PDX1: variants seen among roughly 807,000 people sequenced by gnomAD.
PDX1 encodes pancreas/duodenum homeobox protein 1.
PDX1 carries 7 observed loss-of-function variants against 11.1 expected under a neutral mutation model. The ratio of observed to expected loss-of-function variants is 0.63; its 90% CI spans 0.36 to 1.19. PDX1 has a LOEUF of 1.19. PDX1 is among the 50% of genes most tolerant of loss of function. The pLI is 0.02. For missense variants in PDX1, 449 were observed against 412.1 expected (o/e 1.09, Z -0.78); for synonymous variants, 232 against 196.2 (o/e 1.18, Z -1.53).
At chr13:27,921,348 T>C (rs1957785413) in intron 1 of PDX1, among the ~76,000 whole-genome samples, 1 of 152,226 alleles carries the variant, frequency 6.6e-6, no homozygotes, top group Non-Finnish European at 1.5e-5. Context: ...GAGGCCTGGT[T>C]CCTGCGGCCC....
rs1175220937 is a variant in PDX1 at position 27,926,177 on chromosome 13, T to C, written c.*1476T>C. On this transcript the variant is annotated 3_prime_UTR_variant, in exon 2 of 2. Transcript: ENST00000381033. ...AGGTCTGGGCCTTGTGCTCGGGTTA[T>C]GTTTGTGGGAAATGCTTAATAAATA... The C allele has an allele frequency of 2.0e-5, 3 of 152,234 alleles. No individual in the cohort carries two copies. Among genetic ancestry groups the C allele is most frequent in the African/African-American group, 4.8e-5 (2 of 41,460 alleles). The allele number at this position is 152,234 out of a possible 1,614,324, so 9.4% of individuals were successfully genotyped here. A position where few individuals can be genotyped will look rare whatever the true frequency, so the allele number is the denominator to read the frequency against.
At chr13:27,922,424 G>A (rs1957794684) in intron 1 of PDX1, among the ~76,000 whole-genome samples, 1 of 152,222 alleles carries the variant, frequency 6.6e-6, no homozygotes, top group Admixed American at 6.5e-5. Context: ...GGGAAACTTC[G>A]ATGGAGCCGA....
rs773176417 is a variant in PDX1, at chr13:27,920,476, A to G, written c.338A>G (p.Asn113Ser). ...GAEPGVLEEP[N>S]RVQLPFPWMK... ...GAGCCGGGCGTCCTGGAGGAGCCCAACCGCGTCCAGCTGCCTTTCCCATGG... is the reference window on the plus strand; with the variant it reads ...GAGCCGGGCGTCCTGGAGGAGCCCAGCCGCGTCCAGCTGCCTTTCCCATGG... Residue 113 changes from asparagine (N) to serine (S), a missense_variant, in exon 1 of 2, where the codon AAC becomes AGC. Asn to Ser is a conservative substitution (Grantham distance 46, BLOSUM62 1). This residue lies in a region of PDX1 where 263 missense variants were observed against 212.5 expected (regional missense o/e 1.24). Coordinates refer to ENST00000381033, the MANE Select transcript of PDX1 (RefSeq NM_000209.4). The G allele has an allele frequency of 1.6e-5, 25 of 1,609,904 alleles. No homozygotes were observed. The African/African-American group carries it at 2.3e-4, about 15-fold the overall frequency.
chr13:27,924,860 G>A lies in PDX1; in HGVS notation c.*159G>A, dbSNP rs1957814213. 4 of 590,194 alleles carry A rather than the reference G, an allele frequency of 6.8e-6. No individual in the cohort carries two copies. In the South Asian group the frequency reaches 2.3e-4, roughly 34 times the overall value. 36.6% of individuals were successfully genotyped at this position (590,194 alleles called of 1,614,324 possible). A position where few individuals can be genotyped will look rare whatever the true frequency, so the allele number is the denominator to read the frequency against. Reference sequence around the variant, plus strand: ...CCGAAGGGGAAAACCCGCTCTCTCAGGCGCATGTGCCAGTTGGGGCCCCGC... The same window carrying A: ...CCGAAGGGGAAAACCCGCTCTCTCAAGCGCATGTGCCAGTTGGGGCCCCGC... On this transcript the variant is annotated 3_prime_UTR_variant, in exon 2 of 2. Coordinates refer to ENST00000381033, the MANE Select transcript of PDX1 (RefSeq NM_000209.4). This position sits in a 1 kb window ranked among gnomAD's most constrained non-coding sequence, Gnocchi z 4.8.
Position 27,924,186 on chromosome 13 carries a change from G to C in PDX1, c.407-70G>C, listed in dbSNP as rs9805632. The C allele has an allele frequency of 0.23, 314,064 of 1,365,270 alleles. 38,475 individuals are homozygous for C. The highest frequency in any genetic ancestry group is 0.28 in the Middle Eastern group (1,068 of 3,866). 84.6% of individuals were successfully genotyped at this position (1,365,270 alleles called of 1,614,324 possible). ...TAGGGCTCCCTGGCCCCCCTTGAAG[G>C]GGTTGGGCTGCGTGGGTGGGGGCTG... On this transcript the variant is annotated intron_variant, in intron 1 of 1. Coordinates refer to ENST00000381033, the MANE Select transcript of PDX1 (RefSeq NM_000209.4). This position sits in a 1 kb window ranked among gnomAD's most constrained non-coding sequence, Gnocchi z 4.8.
rs573752557 is a variant in PDX1, at chr13:27,920,487, C to G, written c.349C>G (p.Leu117Val). The G allele has an allele frequency of 6.8e-6, 11 of 1,611,844 alleles. No individual in the cohort carries two copies. Among genetic ancestry groups the G allele is most frequent in the Admixed American group, 6.7e-5 (4 of 59,918 alleles). ...CCTGGAGGAGCCCAACCGCGTCCAGCTGCCTTTCCCATGGATGAAGTCTAC... is the reference window on the plus strand; with the variant it reads ...CCTGGAGGAGCCCAACCGCGTCCAGGTGCCTTTCCCATGGATGAAGTCTAC... ...GVLEEPNRVQ[L>V]PFPWMKSTKA... is the part of the protein sequence containing the mutation. Residue 117 changes from leucine to valine, a missense_variant, in exon 1 of 2, where the codon CTG (leucine) becomes GTG (valine). This residue lies in a region of PDX1 where 263 missense variants were observed against 212.5 expected (regional missense o/e 1.24). Transcript: ENST00000381033.
Position 27,920,388 on chromosome 13 carries a change from C to T in PDX1, c.250C>T (p.His84Tyr). 6.5e-7 allele frequency: 1 copy of T among 1,549,692 alleles called. No individual in the cohort carries two copies. The highest frequency in any genetic ancestry group is 1.4e-5 in the African/African-American group (1 of 73,246). ...ADDPAVAHLHHHLPAQLALPH... is the reference protein window; with the variant it reads ...ADDPAVAHLHYHLPAQLALPH... The stretch of plus-strand genomic sequence containing the variant: ...CGACCCCGCGGTGGCGCACCTTCAC[C>T]ACCACCTCCCGGCTCAGCTCGCGCT... Residue 84 changes from histidine (H) to tyrosine (Y), a missense_variant, in exon 1 of 2, where the codon CAC (histidine) becomes TAC (tyrosine). Transcript: ENST00000381033.
chr13:27,925,157 C>G lies in PDX1; in HGVS notation c.*456C>G. On this transcript the variant is annotated 3_prime_UTR_variant, in exon 2 of 2. Transcript: ENST00000381033. ...TGCCATAAAGCCATTCTTACTCGGGCGACCCCTTTAAGTTTAGAAATAATT... is the reference window on the plus strand; with the variant it reads ...TGCCATAAAGCCATTCTTACTCGGGGGACCCCTTTAAGTTTAGAAATAATT... 1 of 214,504 alleles carries G rather than the reference C, an allele frequency of 4.7e-6. No homozygotes were observed. The highest frequency in any genetic ancestry group is 9.3e-6 in the Non-Finnish European group (1 of 107,218). 13.3% of individuals were successfully genotyped at this position (214,504 alleles called of 1,614,324 possible). A position where few individuals can be genotyped will look rare whatever the true frequency, so the allele number is the denominator to read the frequency against.
rs948183052 is a variant in PDX1, at chr13:27,924,404, G to A, written c.555G>A (p.Leu185=). The A allele has an allele frequency of 6.2e-7, 1 of 1,613,078 alleles. No individual in the cohort carries two copies. Among genetic ancestry groups the A allele is most frequent in the African/African-American group, 1.3e-5 (1 of 74,912 alleles). ...TGGAGCTGGCTGTCATGTTGAACTT[G>A]ACCGAGAGACACATCAAGATCTGGT... The part of the protein sequence containing the change: ...RRVELAVMLN[L]TERHIKIWFQ... Residue 185 remains leucine, a synonymous_variant, in exon 2 of 2, where the codon TTG becomes TTA. Transcript: ENST00000381033. The surrounding 1 kb of genome is among the most constrained non-coding windows in gnomAD (Gnocchi z 4.8).
chr13:27,921,629 C>T (rs1384920867), intron 1 of PDX1, among the ~76,000 whole-genome samples: 2 of 152,238 alleles, frequency 1.3e-5, no homozygotes. Context: ...TCCTCAGCGC[C>T]CATCTGCGGG....
Position 27,925,708 on chromosome 13 carries a change from C to G in PDX1, c.*1007C>G, listed in dbSNP as rs1957820812. The G allele has an allele frequency of 6.3e-6, 1 of 158,996 alleles. No homozygotes were observed. The highest frequency in any genetic ancestry group is 1.4e-5 in the Non-Finnish European group (1 of 72,670). The allele number at this position is 158,996 out of a possible 1,614,324, so 9.8% of individuals were successfully genotyped here. A position where few individuals can be genotyped will look rare whatever the true frequency, so the allele number is the denominator to read the frequency against. On this transcript the variant is annotated 3_prime_UTR_variant, in exon 2 of 2. Coordinates refer to ENST00000381033, the MANE Select transcript of PDX1 (RefSeq NM_000209.4). ...TACTGCACATCTTATAACTTGCACC[C>G]CTTTCTTCTGAGGAAGAGAACATCT...
intron 1 of PDX1, among the ~76,000 whole-genome samples, chr13:27,921,340 G>A (rs1261238296): frequency 1.3e-5 from 2 of 152,232 alleles, no homozygotes; most frequent in East Asian, 3.9e-4. Flanking sequence ...GGAGGCGAGA[G>A]GCCTGGTTCC....
rs1280526637 is a variant in PDX1 at position 27,920,187 on chromosome 13, C to T, written c.49C>T (p.Pro17Ser). ...CGCGGCCACGCAGCTTTACAAGGAC[C>T]CATGCGCGTTCCAGCGAGGCCCGGC... ...YYAATQLYKD[P>S]CAFQRGPAPE... Residue 17 changes from proline (P) to serine (S), a missense_variant, in exon 1 of 2, where the codon CCA (proline) becomes TCA (serine). Pro to Ser is a moderately conservative substitution (Grantham distance 74). Coordinates refer to ENST00000381033, the MANE Select transcript of PDX1 (RefSeq NM_000209.4). The T allele has an allele frequency of 6.5e-7, 1 of 1,549,990 alleles. No homozygotes were observed. The highest frequency in any genetic ancestry group is 8.7e-7 in the Non-Finnish European group (1 of 1,146,722).
At chr13:27,921,881 A>G (rs1455938591) in intron 1 of PDX1, among the ~76,000 whole-genome samples, 1 of 152,210 alleles carries the variant, frequency 6.6e-6, no homozygotes, top group Non-Finnish European at 1.5e-5. Flanking sequence ...CTGCAAATTT[A>G]TCCAGCTCGC....
chr13:27,924,495 G>T lies in PDX1; in HGVS notation c.646G>T (p.Gly216Trp). The change falls in exon 2 of 2, where the codon GGG becomes TGG. Residue 216 changes from glycine to tryptophan, a missense_variant. By Grantham distance (184) the Gly-to-Trp change is radical (BLOSUM62 -2). Around this residue, in one of 3 missense-constraint regions of PDX1, gnomAD observed 139 missense variants for 121.4 expected, o/e 1.14. Transcript: ENST00000381033. The surrounding 1 kb of genome is among the most constrained non-coding windows in gnomAD (Gnocchi z 4.8). ...DKKRGGGTAV[G>W]GGGVAEPEQD... ...GAAGCGCGGCGGCGGGACAGCTGTC[G>T]GGGGTGGCGGGGTCGCGGAGCCTGA... The T allele has an allele frequency of 1.2e-6, 2 of 1,611,950 alleles. No individual in the cohort carries two copies. The highest frequency in any genetic ancestry group is 2.2e-5 in the East Asian group (1 of 44,844).
In PDX1 at chr13:27,920,279, G is replaced by A; in HGVS notation, c.141G>A (p.Pro47=). 1 of 1,539,144 alleles carries A rather than the reference G, an allele frequency of 6.5e-7. No individual in the cohort carries two copies. The highest frequency in any genetic ancestry group is 2.0e-5 in the Admixed American group (1 of 50,048). Residue 47 remains proline, a synonymous_variant, in exon 1 of 2, where the codon CCG becomes CCA. Coordinates refer to ENST00000381033, the MANE Select transcript of PDX1 (RefSeq NM_000209.4). ...GCCGCCAGCCCCCGCCGCCGCCGCC[G>A]CACCCGTTCCCTGGCGCCCTGGGCG... ...YMGRQPPPPP[P]HPFPGALGAL...
In PDX1 at chr13:27,924,533, C is replaced by T. The variant is rs1418855930; in HGVS notation, c.684C>T (p.Ala228=). The stretch of plus-strand genomic sequence containing the variant: ...TCGCGGAGCCTGAGCAGGACTGCGC[C>T]GTGACCTCCGGCGAGGAGCTTCTGG... The part of the protein sequence containing the change: ...GGVAEPEQDC[A]VTSGEELLAL... Residue 228 remains alanine (A), a synonymous_variant, in exon 2 of 2, where the codon GCC becomes GCT. Coordinates refer to ENST00000381033, the MANE Select transcript of PDX1 (RefSeq NM_000209.4). This position sits in a 1 kb window ranked among gnomAD's most constrained non-coding sequence, Gnocchi z 4.8. 3.8e-6 allele frequency: 6 copies of T among 1,595,066 alleles called. No individual in the cohort carries two copies. Among genetic ancestry groups the T allele is most frequent in the Non-Finnish European group, 5.1e-6 (6 of 1,172,020 alleles).
At position 27,924,775 on chromosome 13, in the gene PDX1, G is replaced by T; in HGVS notation, c.*74G>T. ...GGAGCAGAGGGCCTAGGAGGACCCC[G>T]GGCGTGGACCACCCGCCCTGGCAGT... On this transcript the variant is annotated 3_prime_UTR_variant, in exon 2 of 2. Transcript: ENST00000381033. This position sits in a 1 kb window ranked among gnomAD's most constrained non-coding sequence, Gnocchi z 4.8. The T allele has an allele frequency of 8.2e-7, 1 of 1,219,902 alleles. No homozygotes were observed. Among genetic ancestry groups the T allele is most frequent in the Non-Finnish European group, 1.1e-6 (1 of 942,416 alleles). The allele number at this position is 1,219,902 out of a possible 1,614,324, so 75.6% of individuals were successfully genotyped here.
rs750219172 is a variant in PDX1, at chr13:27,920,239, C to G, written c.101C>G (p.Ala34Gly). 1 of 1,547,782 alleles carries G rather than the reference C, an allele frequency of 6.5e-7. No homozygotes were observed. Among genetic ancestry groups the G allele is most frequent in the African/African-American group, 1.4e-5 (1 of 72,812 alleles). The change falls in exon 1 of 2, where the codon GCG becomes GGG. Residue 34 changes from alanine (A) to glycine (G), a missense_variant. This residue lies in a region of PDX1 where 263 missense variants were observed against 212.5 expected (regional missense o/e 1.24). Coordinates refer to ENST00000381033, the MANE Select transcript of PDX1 (RefSeq NM_000209.4). The stretch of plus-strand genomic sequence containing the variant: ...CCGGAGTTCAGCGCCAGCCCCCCTG[C>G]GTGCCTGTACATGGGCCGCCAGCCC... ...PAPEFSASPP[A>G]CLYMGRQPPP...
Sources: gnomAD v4.1 joint callset for allele counts (sites outside exome capture counted in the v4.1 genomes callset) on GRCh38, gnomAD v4.1.1 for gene constraint, gnomAD v4.1.1 regional missense constraint, Gnocchi (gnomAD v3.1) non-coding constraint, MANE v1.5 for transcripts, NCBI Gene and HGNC (gene_info 2026-07-23, HGNC 2026-07-21) for gene names.